The following NDUFAF6 variants were observed in gnomAD, a reference collection of about 807,000 sequenced individuals.
The protein encoded by NDUFAF6 is NADH:ubiquinone oxidoreductase complex assembly factor 6.
In NDUFAF6, 45 loss-of-function variants were observed where a neutral mutation model predicts 40.8. The observed-to-expected ratio is 1.10, with a 90% CI of 0.87 to 1.42. The LOEUF (loss-of-function observed/expected upper bound fraction) is 1.42. Ranked by LOEUF, NDUFAF6 falls within the 40% of genes most tolerant of loss-of-function variation. The pLI, the probability that NDUFAF6 is intolerant of heterozygous loss-of-function variation, is 0.00. For synonymous variants in NDUFAF6, 185 were observed against 155.9 expected (o/e 1.19, Z -1.39); for missense variants, 435 against 418.5 (o/e 1.04, Z -0.34).
At chr8:95,073,514 G>A (rs1563854084) in intron 9 of NDUFAF6, among the ~76,000 whole-genome samples, 1 of 152,106 alleles carries the variant, frequency 6.6e-6, no homozygotes, top group East Asian at 1.9e-4. Context: ...CCCCCGCCTC[G>A]CCCCGCTGCT....
At chr8:95,010,134 G>A (rs1161195056) in intron 2 of NDUFAF6, among the ~76,000 whole-genome samples, 1 of 152,106 alleles carries the variant, frequency 6.6e-6, no homozygotes, top group Non-Finnish European at 1.5e-5. Flanking sequence ...TGTCACTGGG[G>A]CTGGAGTGCA....
intron 2 of NDUFAF6, among the ~76,000 whole-genome samples, chr8:95,081,787 C>A (rs963747860): frequency 6.6e-6 from 1 of 152,018 alleles, no homozygotes; most frequent in African/African-American, 2.4e-5. Flanking sequence ...TTGGGCCGGG[C>A]GTGGTGGCTC....
chr8:95,082,542 G>A (rs894714197), intron 2 of NDUFAF6, among the ~76,000 whole-genome samples: 1 of 112,354 alleles, frequency 8.9e-6, no homozygotes, highest in Non-Finnish European at 1.6e-5. Context: ...AAATAGTTTG[G>A]ATTTCCTGTT....
At chr8:95,027,696 A>G (rs990860380) in intron 1 of NDUFAF6, among the ~76,000 whole-genome samples, 7 of 152,178 alleles carry the variant, frequency 4.6e-5, no homozygotes, top group Admixed American at 2.6e-4. Context: ...TGCTTAGCAG[A>G]GTTCAGACAC....
At chr8:95,015,253 T>C (rs1376737903) in intron 2 of NDUFAF6, among the ~76,000 whole-genome samples, 1 of 152,182 alleles carries the variant, frequency 6.6e-6, no homozygotes, top group East Asian at 1.9e-4. Context: ...CTTGGTTCTA[T>C]AACCTAAATA....
chr8:94,957,666 A>G (rs1296835954), upstream of NDUFAF6, among the ~76,000 whole-genome samples: 1 of 152,208 alleles, frequency 6.6e-6, no homozygotes, highest in Non-Finnish European at 1.5e-5. Flanking sequence ...ACATACCCTG[A>G]GAATGACCTT....
At chr8:94,926,521 C>G (rs1254158349) in intron 1 of NDUFAF6, 1 of 151,740 alleles carries the variant, frequency 6.6e-6, no homozygotes, top group Non-Finnish European at 1.5e-5. Context: ...CACATCTAAC[C>G]TCCCCAGGTA....
chr8:94,929,912 A>G (rs1211585554), intron 1 of NDUFAF6: 1 of 153,018 alleles, frequency 6.5e-6, no homozygotes, highest in African/African-American at 2.4e-5. Flanking sequence ...ATCTGGGGAA[A>G]AACCATACAC....
intron 8 of NDUFAF6, 24 bp from the exon 9 acceptor site, chr8:95,057,785 T>G: frequency 6.3e-7 from 1 of 1,575,386 alleles, no homozygotes; most frequent in Non-Finnish European, 8.7e-7. Context: ...TATGATCTGG[T>G]GATCACTATT....
chr8:94,907,240 G>T (rs986034920), intron 1 of NDUFAF6, among the ~76,000 whole-genome samples: 1 of 152,198 alleles, frequency 6.6e-6, no homozygotes, highest in African/African-American at 2.4e-5. Flanking sequence ...TCTAATACTA[G>T]AGTTTGCATT....
Position 95,038,983 on chromosome 8 carries a change from GT to G in NDUFAF6, c.421-2576del, listed in dbSNP as rs199846115. Among the ~76,000 whole-genome samples, 207 of 141,234 alleles carry G rather than the reference GT, an allele frequency of 1.5e-3. 1 individual carries two copies. The highest frequency in any genetic ancestry group is 2.1e-3 in the African/African-American group (82 of 38,546). 92.7% of individuals were successfully genotyped at this position (141,234 alleles called of 152,430 possible). A position where few individuals can be genotyped will look rare whatever the true frequency, so the allele number is the denominator to read the frequency against. On this transcript the variant is annotated intron_variant, in intron 3 of 8. Transcript: ENST00000396124. ...CGCACCTGGCCTATTTTTTGTGTTT[GT>G]TTTTTTTTTTGAGACAGGGTGTTGC...
downstream of NDUFAF6, among the ~76,000 whole-genome samples, chr8:95,105,064 CACAGAGAGAGAGAGAGAGAGAGAG>C (rs1422764775): frequency 3.5e-4 from 37 of 105,808 alleles, no homozygotes; most frequent in East Asian, 4.6e-3. Context: ...CACACACACA[CACAGAGAGAGAGAGAGAGAGAGAG>C]AGAGAGAGAG....
intron 1 of NDUFAF6, among the ~76,000 whole-genome samples, chr8:94,898,251 C>A (rs1398486239): frequency 2.6e-5 from 4 of 152,134 alleles, no homozygotes; most frequent in African/African-American, 9.7e-5. Context: ...ATTCCTATGT[C>A]TTTAGTTTTT....
intron 2 of NDUFAF6, chr8:94,988,549 TAAC>T (rs978681927): frequency 1.3e-5 from 2 of 152,016 alleles, no homozygotes; most frequent in South Asian, 2.1e-4. Flanking sequence ...AATTCTCAAA[TAAC>T]AACAGCAAAC....
intron 2 of NDUFAF6, among the ~76,000 whole-genome samples, chr8:95,081,885 C>A (rs1290809402): frequency 6.6e-6 from 1 of 150,474 alleles, no homozygotes; most frequent in Non-Finnish European, 1.5e-5. Flanking sequence ...CACGGTGAAA[C>A]CCCATCTGTA....
intron 1 of NDUFAF6, among the ~76,000 whole-genome samples, chr8:94,901,502 A>T (rs953284490): frequency 5.3e-5 from 8 of 152,048 alleles, no homozygotes; most frequent in African/African-American, 1.9e-4. Flanking sequence ...AATGGCTGTC[A>T]CTCAGAGGAA....
intron 1 of NDUFAF6, chr8:94,928,852 C>G (rs930993071): frequency 5.9e-5 from 9 of 152,532 alleles, no homozygotes; most frequent in African/African-American, 2.2e-4. Flanking sequence ...TGCTGCTTTT[C>G]TCCTTGAAAA....
At chr8:94,965,374 G>T (rs1411421179) in intron 1 of NDUFAF6, among the ~76,000 whole-genome samples, 1 of 152,208 alleles carries the variant, frequency 6.6e-6, no homozygotes, top group African/African-American at 2.4e-5. Context: ...ACAGGGTGGA[G>T]GGTGTCAGGG....
intron 9 of NDUFAF6, among the ~76,000 whole-genome samples, chr8:95,073,784 C>G (rs1358029203): frequency 1.8e-4 from 28 of 152,306 alleles, no homozygotes; most frequent in African/African-American, 6.0e-4. Context: ...GGAGCTCTCT[C>G]CAGAGGGTAG....
Sources: gnomAD v4.1 joint callset for allele counts (sites outside exome capture counted in the v4.1 genomes callset) on GRCh38, gnomAD v4.1.1 for gene constraint, MANE v1.5 for transcripts, NCBI Gene and HGNC (gene_info 2026-07-23, HGNC 2026-07-21) for gene names.